The following OCRL variants were observed in gnomAD, a reference collection of about 807,000 sequenced individuals.
The protein encoded by OCRL is OCRL inositol polyphosphate-5-phosphatase, also known as inositol polyphosphate 5-phosphatase OCRL.
Under a neutral mutation model 78.9 loss-of-function variants are expected in OCRL, and 8 were observed. That is an observed-to-expected ratio of 0.10 (90% CI 0.06 to 0.18). The LOEUF (loss-of-function observed/expected upper bound fraction) is 0.18. OCRL is among the 10% of genes least tolerant of loss of function. The pLI, the probability that OCRL is intolerant of heterozygous loss-of-function variation, is 1.00. For synonymous variants in OCRL, 240 were observed against 235.4 expected, an observed-to-expected ratio of 1.02 and a Z score of -0.18; for missense variants, 454 against 696.7, an observed-to-expected ratio of 0.65 and a Z score of 3.92.
intron 4 of OCRL, among the ~76,000 whole-genome samples, chrX:129,551,115 C>T (rs2099483110): frequency 9.0e-6 from 1 of 111,094 alleles, no homozygotes; most frequent in Non-Finnish European, 1.9e-5. Flanking sequence ...TAAACTGTCC[C>T]TTGTTTATCC....
In OCRL at chrX:129,561,210, T is replaced by G; in HGVS notation, c.856T>G (p.Phe286Val). Residue 286 changes from phenylalanine to valine, a missense_variant, in exon 10 of 24, where the codon TTC (phenylalanine) becomes GTC (valine). This residue lies in a region of OCRL where 277 missense variants were observed against 517.1 expected (regional missense o/e 0.54). Transcript: ENST00000371113. ...AGAACTGGACTTGAGCACAGAAGCC[T>G]TCTTCTACTTTGAATCTGTGAAGGA... ...FQELDLSTEA[F>V]FYFESVKEQE... 1 of 1,208,543 alleles carries G rather than the reference T, an allele frequency of 8.3e-7. No homozygotes were observed.
Position 129,557,951 on chromosome X carries a change from GT to G in OCRL, c.439+2del. The G allele has an allele frequency of 8.8e-7, 1 of 1,134,660 alleles. No individual in the cohort carries two copies. The allele number at this position is 1,134,660 out of a possible 1,213,427, so 93.5% of individuals were successfully genotyped here. ...AAGGACAAACCTTCTGTTTTTTCAG[GT>G]ACTAAAAAGTTCCTGGTTTCCTTGT... is the stretch of plus-strand genomic sequence containing the variant. On this transcript the variant is annotated splice_donor_variant, in intron 6 of 23. Transcript: ENST00000371113. LOFTEE classifies it high-confidence loss of function.
intron 14 of OCRL, among the ~76,000 whole-genome samples, chrX:129,567,723 A>C (rs912050544): frequency 3.6e-5 from 4 of 110,976 alleles, no homozygotes; most frequent in Non-Finnish European, 7.5e-5. Context: ...CAAACTACCC[A>C]GCTATTTAAT....
At chrX:129,569,688 G>A (rs927607367) in intron 15 of OCRL, among the ~76,000 whole-genome samples, 1 of 110,309 alleles carries the variant, frequency 9.1e-6, no homozygotes, top group African/African-American at 3.3e-5. Flanking sequence ...TAAAAGCTAA[G>A]TTTTATCAGA....
Position 129,544,594 on chromosome X carries a change from A to G in OCRL, c.120-364A>G, listed in dbSNP as rs568642894. Among the ~76,000 whole-genome samples the G allele has an allele frequency of 8.0e-5, 9 of 112,258 alleles. No individual in the cohort carries two copies. The South Asian group carries it at 3.4e-3, about 42-fold the overall frequency. ...TGTGCCAGGCTTTGTGCTAGGTACT[A>G]GAAATTCCGTGGTGTAAAGATAGCT... On this transcript the variant is annotated intron_variant, in intron 2 of 23. Coordinates refer to ENST00000371113, the MANE Select transcript of OCRL (RefSeq NM_000276.4).
rs756998479 is a variant in OCRL, at chrX:129,548,536, C to T, written c.200-27C>T. 6 of 1,174,029 alleles carry T rather than the reference C, an allele frequency of 5.1e-6. No homozygotes were observed. In the Admixed American group the frequency reaches 1.3e-4, roughly 26 times the overall value. ...AGTGAGTGGTTTTCTCTTCCCTAAT[C>T]CTACTCTCTTTTTTTTCCCCTCTCA... On this transcript the variant is annotated intron_variant, in intron 3 of 23. Transcript: ENST00000371113.
chrX:129,565,916 T>C, intron 13 of OCRL, 33 bp downstream of exon 13: 1 of 943,492 alleles, frequency 1.1e-6, no homozygotes, highest in Non-Finnish European at 1.5e-6. Flanking sequence ...GGAACTTTCC[T>C]AGATGGGAGA....
chrX:129,561,348 A>G (rs747104053), intron 10 of OCRL, 55 bp downstream of exon 10: 4 of 723,531 alleles, frequency 5.5e-6, no homozygotes, highest in Non-Finnish European at 8.9e-6. Context: ...GCTCACCGGG[A>G]GTTATTCCAT....
intron 8 of OCRL, among the ~76,000 whole-genome samples, 168 bp downstream of exon 8, chrX:129,559,169 A>G (rs976128150): frequency 8.9e-6 from 1 of 112,130 alleles, no homozygotes; most frequent in African/African-American, 3.2e-5. Flanking sequence ...TGCATATCAG[A>G]AATAATGCAG....
chrX:129,548,738 A>T, intron 4 of OCRL, 137 bp downstream of exon 4: 1 of 520,424 alleles, frequency 1.9e-6, no homozygotes. Flanking sequence ...AGCCATACAA[A>T]TTAGCACTGT....
At chrX:129,574,498 G>T (rs1010146724) in intron 15 of OCRL, among the ~76,000 whole-genome samples, 1 of 112,188 alleles carries the variant, frequency 8.9e-6, no homozygotes, top group African/African-American at 3.2e-5. Flanking sequence ...ATGGCTGTAG[G>T]TTCCATTTAT....
At chrX:129,565,980 G>A (rs191470945) in intron 13 of OCRL, 97 bp downstream of exon 13, 140 of 575,566 alleles carry the variant, frequency 2.4e-4, no homozygotes, top group Non-Finnish European at 3.7e-4. Context: ...TGATGGAAAC[G>A]TCTTACTGTC....
chrX:129,556,557 T>C (rs1379950005), intron 4 of OCRL, among the ~76,000 whole-genome samples: 2 of 112,113 alleles, frequency 1.8e-5, no homozygotes. Context: ...ATAGGTTTCC[T>C]GGATCACCAC....
chrX:129,586,253 G>C (rs760235520), intron 19 of OCRL, among the ~76,000 whole-genome samples: 2 of 112,189 alleles, frequency 1.8e-5, no homozygotes, highest in Non-Finnish European at 3.8e-5. Context: ...ACAGATAGTA[G>C]AAAGATAGAT....
At chrX:129,563,723 A>C (rs1936175690) in intron 12 of OCRL, among the ~76,000 whole-genome samples, 1 of 111,883 alleles carries the variant, frequency 8.9e-6, no homozygotes, top group Non-Finnish European at 1.9e-5. Flanking sequence ...GTGGTGGTAG[A>C]AAATGATTAG....
chrX:129,585,637 A>C (rs1405774373), intron 19 of OCRL, among the ~76,000 whole-genome samples: 1 of 112,012 alleles, frequency 8.9e-6, no homozygotes, highest in East Asian at 2.8e-4. Flanking sequence ...ACATTCTGGC[A>C]ACTATTAGGA....
chrX:129,572,979 G>A (rs1042499669), intron 15 of OCRL, among the ~76,000 whole-genome samples: 89 of 111,960 alleles, frequency 7.9e-4, no homozygotes, highest in African/African-American at 2.8e-3. Context: ...CCTTGCTTTG[G>A]TAGCCTTCCA....
At chrX:129,571,935 C>T in intron 15 of OCRL, among the ~76,000 whole-genome samples, 1 of 111,490 alleles carries the variant, frequency 9.0e-6, no homozygotes, top group Non-Finnish European at 1.9e-5. Flanking sequence ...TTATATCTTT[C>T]TAGACCAGTG....
chrX:129,566,794 G>A (rs747122690), intron 13 of OCRL, among the ~76,000 whole-genome samples: 176 of 112,092 alleles, frequency 1.6e-3, no homozygotes, highest in African/African-American at 5.1e-3. Flanking sequence ...GGTACATTTA[G>A]GATAAATTCT....
Sources: gnomAD v4.1 joint callset for allele counts (sites outside exome capture counted in the v4.1 genomes callset) on GRCh38, gnomAD v4.1.1 for gene constraint, gnomAD v4.1.1 regional missense constraint, MANE v1.5 for transcripts, NCBI Gene and HGNC (gene_info 2026-07-23, HGNC 2026-07-21) for gene names.